AP4E1: variants seen among roughly 807,000 people sequenced by gnomAD.
AP4E1 encodes AP-4 complex subunit epsilon-1.
Under a neutral mutation model 128.2 loss-of-function variants are expected in AP4E1, and 56 were observed. The ratio of observed to expected loss-of-function variants is 0.44; its 90% CI spans 0.35 to 0.55. The LOEUF (loss-of-function observed/expected upper bound fraction) is 0.55, where lower values mean the gene tolerates loss of function less well. Ranked by LOEUF, AP4E1 falls within the 20% of genes least tolerant of loss-of-function variation. The pLI is 0.00. For synonymous variants in AP4E1, 484 were observed against 473.1 expected (o/e 1.02, Z -0.30); for missense variants, 1,324 against 1,307.7 (o/e 1.01, Z -0.19).
intron 13 of AP4E1, among the ~76,000 whole-genome samples, chr15:50,956,721 C>A (rs1054625745): frequency 2.6e-5 from 4 of 151,740 alleles, no homozygotes; most frequent in African/African-American, 9.7e-5. Context: ...CCTGGTCCTG[C>A]CCTTGACATG....
chr15:50,972,301 T>G (rs1162013532), intron 15 of AP4E1, among the ~76,000 whole-genome samples: 1 of 152,108 alleles, frequency 6.6e-6, no homozygotes, highest in East Asian at 1.9e-4. Context: ...AACCTCTGTC[T>G]CCCAGGTTCA....
At chr15:50,978,639 G>A (rs1294959972) in intron 15 of AP4E1, among the ~76,000 whole-genome samples, 1 of 152,108 alleles carries the variant, frequency 6.6e-6, no homozygotes, top group African/African-American at 2.4e-5. Flanking sequence ...CTCCCAACTC[G>A]AAGGACTCTC....
chr15:50,983,214 G>T (rs564836912), intron 15 of AP4E1, among the ~76,000 whole-genome samples: 1 of 152,146 alleles, frequency 6.6e-6, no homozygotes, highest in Non-Finnish European at 1.5e-5. Context: ...GGCATCTTTG[G>T]TGTTCCACTT....
chr15:50,915,790 T>C, intron 3 of AP4E1: 1 of 543,300 alleles, frequency 1.8e-6, no homozygotes, highest in Non-Finnish European at 3.2e-6. Context: ...ACTAAAGATT[T>C]CTTGCTCTTG....
rs551604377 is a variant in AP4E1 at position 50,920,415 on chromosome 15, CT to C, written c.347-3503del. ...GGCGTAAGCCACCGTGCCCGGCCTT[CT>C]TTTTTTTTTTTTGAGACAGAGTCTC... On this transcript the variant is annotated intron_variant, in intron 3 of 20. Coordinates refer to ENST00000261842, the MANE Select transcript of AP4E1 (RefSeq NM_007347.5). Among the ~76,000 whole-genome samples, 328 of 139,562 alleles carry C rather than the reference CT, an allele frequency of 2.4e-3. 1 individual carries two copies. The highest frequency in any genetic ancestry group is 4.3e-3 in the African/African-American group (162 of 37,836). 91.6% of individuals were successfully genotyped at this position (139,562 alleles called of 152,430 possible).
At chr15:50,988,973 T>A (rs1184452979) in intron 16 of AP4E1, among the ~76,000 whole-genome samples, 4 of 152,192 alleles carry the variant, frequency 2.6e-5, no homozygotes, top group African/African-American at 9.7e-5. Context: ...AGAAACATAA[T>A]TAAGTGAATA....
At position 50,997,529 on chromosome 15, in the gene AP4E1, A is replaced by G. The variant is rs2140934656; in HGVS notation, c.2550A>G (p.Ser850=). The G allele has an allele frequency of 6.2e-7, 1 of 1,614,090 alleles. No homozygotes were observed. Among genetic ancestry groups the G allele is most frequent in the Non-Finnish European group, 8.5e-7 (1 of 1,179,980 alleles). ...AATTAAAGAAATTTTCTCTCACTTC[A>G]GAACTTTTGGATTCTGAGTCACTCA... ...DKELKKFSLT[S]ELLDSESLTE... The change falls in exon 18 of 21, where the codon TCA becomes TCG. Residue 850 remains serine, a synonymous_variant. Coordinates refer to ENST00000261842, the MANE Select transcript of AP4E1 (RefSeq NM_007347.5).
At chr15:50,934,594 TCTA>T (rs1308636290) in intron 7 of AP4E1, 27 bp from the exon 8 acceptor site, 1 of 1,491,498 alleles carries the variant, frequency 6.7e-7, no homozygotes, top group East Asian at 2.3e-5. Flanking sequence ...ATACTATAAT[TCTA>T]CTGCAAATAA....
At position 50,915,436 on chromosome 15, in the gene AP4E1, T is replaced by A. The variant is rs1443727133; in HGVS notation, c.223-12T>A. On this transcript the variant is annotated splice_polypyrimidine_tract_variant and intron_variant, in intron 2 of 20. Coordinates refer to ENST00000261842, the MANE Select transcript of AP4E1 (RefSeq NM_007347.5). ...GTTTATTTATACAGCTACTGGATAT[T>A]TTGCTTTTCAGAAAATGATGAAGGA... The A allele has an allele frequency of 1.2e-6, 2 of 1,610,234 alleles. No homozygotes were observed. Among genetic ancestry groups the A allele is most frequent in the South Asian group, 1.1e-5 (1 of 91,014 alleles).
intron 10 of AP4E1, chr15:50,944,798 T>G: frequency 1.5e-6 from 1 of 686,476 alleles, no homozygotes; most frequent in African/African-American, 1.8e-5. Flanking sequence ...GAGCTTTAAA[T>G]GCTACCAAAA....
In AP4E1 at chr15:50,908,905, A is replaced by G; in HGVS notation, c.127A>G (p.Ile43Val). The part of the protein sequence containing the change: ...SSRLGSLVRG[I>V]TALTSKHEEE... ...GAGGCTGGGCAGCCTTGTCCGCGGC[A>G]TCACAGCCCTCACCTCCAAGCACGT... Residue 43 changes from isoleucine (I) to valine (V), a missense_variant, in exon 1 of 21, where the codon ATC becomes GTC. Transcript: ENST00000261842. 6.2e-7 allele frequency: 1 copy of G among 1,610,948 alleles called. No homozygotes were observed. The highest frequency in any genetic ancestry group is 1.1e-5 in the South Asian group (1 of 90,770).
At position 51,002,865 on chromosome 15, in the gene AP4E1, G is replaced by T; in HGVS notation, c.*203G>T. The T allele has an allele frequency of 3.3e-6, 2 of 614,074 alleles. No individual in the cohort carries two copies. The highest frequency in any genetic ancestry group is 2.0e-5 in the South Asian group (1 of 51,082). The allele number at this position is 614,074 out of a possible 1,614,324, so 38.0% of individuals were successfully genotyped here. ...CCTTTAACTCAGGATTGTACAGTATGTTTAGGTCCCTCAAAAAGTGACCTA... is the reference window on the plus strand; with the variant it reads ...CCTTTAACTCAGGATTGTACAGTATTTTTAGGTCCCTCAAAAAGTGACCTA... On this transcript the variant is annotated 3_prime_UTR_variant, in exon 21 of 21. Coordinates refer to ENST00000261842, the MANE Select transcript of AP4E1 (RefSeq NM_007347.5).
chr15:50,956,604 A>C (rs1462371163), intron 13 of AP4E1, among the ~76,000 whole-genome samples: 2 of 152,162 alleles, frequency 1.3e-5, no homozygotes, highest in African/African-American at 4.8e-5. Context: ...AGAGAGAATG[A>C]AGCCAAGTGA....
At chr15:50,963,796 C>T (rs2064349740) in intron 14 of AP4E1, among the ~76,000 whole-genome samples, 1 of 152,208 alleles carries the variant, frequency 6.6e-6, no homozygotes, top group Admixed American at 6.5e-5. Context: ...ACATTCTATG[C>T]ATGTATCAAA....
chr15:50,994,139 A>T (rs1291863978), intron 17 of AP4E1, among the ~76,000 whole-genome samples: 1 of 152,244 alleles, frequency 6.6e-6, no homozygotes, highest in Non-Finnish European at 1.5e-5. Context: ...ATAAAGTTTT[A>T]TTTATGCCTT....
chr15:50,997,291 A>C lies in AP4E1; in HGVS notation c.2347-35A>C, dbSNP rs774889215. ...TTTAAAACTCATGACTAGTAGAATG[A>C]TTTCTTTTTATATTATTATGTTTTA... is the stretch of plus-strand genomic sequence containing the variant. On this transcript the variant is annotated intron_variant, in intron 17 of 20. Coordinates refer to ENST00000261842, the MANE Select transcript of AP4E1 (RefSeq NM_007347.5). 2.6e-6 allele frequency: 4 copies of C among 1,525,854 alleles called. No homozygotes were observed. In the South Asian group the frequency reaches 5.2e-5, roughly 20 times the overall value. 94.5% of individuals were successfully genotyped at this position (1,525,854 alleles called of 1,614,324 possible).
intron 15 of AP4E1, 97 bp from the exon 16 acceptor site, chr15:50,983,925 A>T (rs2064678637): frequency 8.1e-7 from 1 of 1,234,982 alleles, no homozygotes; most frequent in Non-Finnish European, 1.2e-6. Flanking sequence ...AATGGCTATT[A>T]GTTCCAGGCT....
intron 8 of AP4E1, among the ~76,000 whole-genome samples, chr15:50,938,111 G>A (rs905381282): frequency 6.6e-6 from 1 of 152,006 alleles, no homozygotes; most frequent in African/African-American, 2.4e-5. Context: ...CAGGAAGGTG[G>A]AGAACAAGTC....
At chr15:50,926,958 T>C (rs1186099248) in intron 5 of AP4E1, among the ~76,000 whole-genome samples, 3 of 152,246 alleles carry the variant, frequency 2.0e-5, no homozygotes, top group Non-Finnish European at 4.4e-5. Flanking sequence ...TACTAAGAAT[T>C]ACAGAATAAC....
Sources: allele counts gnomAD v4.1 joint callset (sites outside exome capture counted in the v4.1 genomes callset), GRCh38; gene constraint gnomAD v4.1.1; transcripts MANE v1.5; gene names NCBI Gene and HGNC (gene_info 2026-07-23, HGNC 2026-07-21).